TMEM131L: variants seen among roughly 807,000 people sequenced by gnomAD.
The protein encoded by TMEM131L is transmembrane protein 131-like.
Under a neutral mutation model 192.2 loss-of-function variants are expected in TMEM131L, and 54 were observed. The observed-to-expected ratio is 0.28, with a 90% CI of 0.23 to 0.35. The LOEUF is 0.35. TMEM131L is among the 10% of genes least tolerant of loss of function. The pLI is 1.00. For synonymous variants in TMEM131L, 701 were observed against 704.9 expected (o/e 0.99, Z 0.09); for missense variants, 1,888 against 1,972.9 (o/e 0.96, Z 0.82).
intron 3 of TMEM131L, among the ~76,000 whole-genome samples, chr4:153,548,549 C>A (rs139032710): frequency 6.6e-6 from 1 of 152,128 alleles, no homozygotes; most frequent in Non-Finnish European, 1.5e-5. Context: ...GTGATCTGTC[C>A]GCCTCAGCCT....
intron 19 of TMEM131L, among the ~76,000 whole-genome samples, chr4:153,594,086 T>C (rs2150868413): frequency 2.0e-5 from 3 of 152,310 alleles, no homozygotes; most frequent in Middle Eastern, 6.8e-3. Context: ...TTTAATTTGA[T>C]TATTTAGAAT....
Position 153,565,401 on chromosome 4 carries a change from G to A in TMEM131L, c.660+7033G>A, listed in dbSNP as rs977963757. Among the ~76,000 whole-genome samples, 8 of 152,216 alleles carry A rather than the reference G, an allele frequency of 5.3e-5. No individual in the cohort carries two copies. The East Asian group carries it at 5.8e-4, about 11-fold the overall frequency. ...TTTGACCTTCAGCAGATTTACTACC[G>A]GGGCAGGTGGTATTATTCTTATTTT... On this transcript the variant is annotated intron_variant, in intron 7 of 34. Coordinates refer to ENST00000409959, the MANE Select transcript of TMEM131L (RefSeq NM_001131007.2).
intron 3 of TMEM131L, among the ~76,000 whole-genome samples, chr4:153,542,706 A>G (rs1189483829): frequency 1.3e-5 from 2 of 152,196 alleles, no homozygotes; most frequent in East Asian, 3.9e-4. Flanking sequence ...GAAGAAGAGG[A>G]CTTGAAGCGG....
intron 12 of TMEM131L, 70 bp from the exon 13 acceptor site, chr4:153,585,388 A>C: frequency 6.9e-7 from 1 of 1,448,510 alleles, no homozygotes; most frequent in Non-Finnish European, 9.5e-7. Flanking sequence ...TTTTGCAATT[A>C]GAGGCTCATA....
chr4:153,487,300 G>A (rs1418352360), intron 3 of TMEM131L, among the ~76,000 whole-genome samples: 1 of 152,190 alleles, frequency 6.6e-6, no homozygotes, highest in Non-Finnish European at 1.5e-5. Flanking sequence ...CACTGGCCCA[G>A]GATTTTATCA....
At position 153,555,503 on chromosome 4, in the gene TMEM131L, A is replaced by G. The variant is rs1737917921; in HGVS notation, c.309-284A>G. Among the ~76,000 whole-genome samples the G allele has an allele frequency of 6.6e-6, 1 of 152,192 alleles. No individual in the cohort carries two copies. Among genetic ancestry groups the G allele is most frequent in the Non-Finnish European group, 1.5e-5 (1 of 68,024 alleles). ...GTTTTGTTTTTTTGCAAGCATTTTA[A>G]TGGCCTAGATGGGTTAAATTTTTCT... is the stretch of plus-strand genomic sequence containing the variant. On this transcript the variant is annotated intron_variant, in intron 4 of 34. Transcript: ENST00000409959. The surrounding 1 kb of genome is among the most constrained non-coding windows in gnomAD (Gnocchi z 4.1).
At chr4:153,472,370 G>A (rs1731220787) in intron 2 of TMEM131L, among the ~76,000 whole-genome samples, 1 of 152,174 alleles carries the variant, frequency 6.6e-6, no homozygotes, top group Non-Finnish European at 1.5e-5. Flanking sequence ...GGGAAAGCAT[G>A]TCATGTTCTA....
chr4:153,486,782 C>T (rs1334844385), intron 3 of TMEM131L, among the ~76,000 whole-genome samples: 2 of 152,234 alleles, frequency 1.3e-5, no homozygotes, highest in Admixed American at 1.3e-4. Context: ...CCACCCACGC[C>T]TGTGGAGTGG....
intron 26 of TMEM131L, among the ~76,000 whole-genome samples, chr4:153,614,820 A>G (rs1732864728): frequency 6.6e-6 from 1 of 152,232 alleles, no homozygotes; most frequent in Non-Finnish European, 1.5e-5. Flanking sequence ...CAAGGCTTAC[A>G]TTTGAGCAGG....
chr4:153,523,351 C>T (rs1342119109), intron 3 of TMEM131L, among the ~76,000 whole-genome samples: 3 of 152,250 alleles, frequency 2.0e-5, no homozygotes, highest in Non-Finnish European at 2.9e-5. Flanking sequence ...TTCTATAAGA[C>T]GTGAGATTAG....
In TMEM131L at chr4:153,581,533, G is replaced by A. The variant is rs757558926; in HGVS notation, c.865G>A (p.Val289Ile). Residue 289 changes from valine (V) to isoleucine (I), a missense_variant, in exon 9 of 35, where the codon GTA becomes ATA. Val to Ile is a conservative substitution (Grantham distance 29, BLOSUM62 3). Coordinates refer to ENST00000409959, the MANE Select transcript of TMEM131L (RefSeq NM_001131007.2). ...GTTAGATCATCTCTCTATTGTTTAC[G>A]TAGCTACAGATGAATCTGAGACCTC... Reference protein sequence around the residue: ...HLLDHLSIVYVATDESETSDD... With the variant: ...HLLDHLSIVYIATDESETSDD... 57 of 1,580,708 alleles carry A rather than the reference G, an allele frequency of 3.6e-5. No individual in the cohort carries two copies. The highest frequency in any genetic ancestry group is 1.7e-4 in the Middle Eastern group (1 of 5,948).
At chr4:153,615,150 T>G (rs944441631) in intron 26 of TMEM131L, among the ~76,000 whole-genome samples, 47 of 152,350 alleles carry the variant, frequency 3.1e-4, no homozygotes, top group African/African-American at 1.1e-3. Flanking sequence ...ATTTTTCTCC[T>G]TCTGCAAAAT....
intron 1 of TMEM131L, 79 bp downstream of exon 1, chr4:153,466,600 T>G: frequency 8.3e-7 from 1 of 1,205,728 alleles, no homozygotes; most frequent in Non-Finnish European, 1.0e-6. Context: ...CTGAAATCTA[T>G]AAGAGGGCGA....
At chr4:153,492,112 C>A (rs960261371) in intron 3 of TMEM131L, among the ~76,000 whole-genome samples, 2 of 152,086 alleles carry the variant, frequency 1.3e-5, no homozygotes, top group Non-Finnish European at 2.9e-5. Context: ...AGCGATCCCC[C>A]TGCCTCAGCC....
chr4:153,497,633 A>G (rs1473803653), intron 3 of TMEM131L, among the ~76,000 whole-genome samples: 4 of 152,188 alleles, frequency 2.6e-5, no homozygotes, highest in African/African-American at 9.7e-5. Flanking sequence ...AGCGTTTTCC[A>G]TGTTGGAGGT....
At chr4:153,507,216 G>A (rs996018438) in intron 3 of TMEM131L, among the ~76,000 whole-genome samples, 3 of 152,196 alleles carry the variant, frequency 2.0e-5, no homozygotes, top group Admixed American at 1.3e-4. Context: ...AAATGGCCAG[G>A]CTTGTTTTTA....
chr4:153,614,442 G>T (rs1046644760), intron 26 of TMEM131L, among the ~76,000 whole-genome samples: 1 of 152,172 alleles, frequency 6.6e-6, no homozygotes, highest in Non-Finnish European at 1.5e-5. Flanking sequence ...AGTTGTTTTG[G>T]AGGATTTGGC....
intron 7 of TMEM131L, among the ~76,000 whole-genome samples, chr4:153,579,986 A>G (rs186737410): frequency 1.3e-5 from 2 of 152,162 alleles, no homozygotes; most frequent in Non-Finnish European, 1.5e-5. Context: ...CCTTGCCAAG[A>G]TTTGATGTTA....
In TMEM131L at chr4:153,602,454, G is replaced by A. The variant is rs912483318; in HGVS notation, c.2454-88G>A. On this transcript the variant is annotated intron_variant, in intron 22 of 34. Transcript: ENST00000409959. The stretch of plus-strand genomic sequence containing the variant: ...TTGTTTTAATGTAAATATTTCTTTT[G>A]TAGGAGTATGATGTGTTGTCATTAT... 2.0e-6 allele frequency: 3 copies of A among 1,520,960 alleles called. No homozygotes were observed. The African/African-American group carries it at 4.2e-5, about 21-fold the overall frequency. The allele number at this position is 1,520,960 out of a possible 1,614,324, so 94.2% of individuals were successfully genotyped here. A position where few individuals can be genotyped will look rare whatever the true frequency, so the allele number is the denominator to read the frequency against.
Sources: allele counts gnomAD v4.1 joint callset (sites outside exome capture counted in the v4.1 genomes callset), GRCh38; gene constraint gnomAD v4.1.1; non-coding constraint Gnocchi (gnomAD v3.1); transcripts MANE v1.5; gene names NCBI Gene and HGNC (gene_info 2026-07-23, HGNC 2026-07-21).